The following FREM2 variants were observed in gnomAD, a reference collection of about 807,000 sequenced individuals.
FREM2 encodes FRAS1-related extracellular matrix protein 2.
Under a neutral mutation model 219.9 loss-of-function variants are expected in FREM2, and 119 were observed. That is an observed-to-expected ratio of 0.54 (90% CI 0.47 to 0.63). The LOEUF is 0.63. Among genes scored for constraint, FREM2 ranks in the 30% least tolerant of loss-of-function variants. The probability of loss-of-function intolerance (pLI) is 0.00; values close to 1 mark genes in which losing one functional copy is unlikely to be tolerated. For missense variants in FREM2, 4,030 were observed against 3,993.6 expected (o/e 1.01, Z -0.25); for synonymous variants, 1,562 against 1,522.8 (o/e 1.03, Z -0.60).
rs1869485991 is a variant in FREM2, at chr13:38,687,153, C to A, written c.-192C>A. ...TGGACGGCCTGGGAAGGCTTCGGCT[C>A]CTCGGCTGCGGCTCCAGCCCGGACG... On this transcript the variant is annotated 5_prime_UTR_variant, in exon 1 of 24. Transcript: ENST00000280481. The A allele has an allele frequency of 9.6e-6, 7 of 725,864 alleles. No individual in the cohort carries two copies. Among genetic ancestry groups the A allele is most frequent in the Admixed American group, 8.2e-5 (3 of 36,386 alleles). 45.0% of individuals were successfully genotyped at this position (725,864 alleles called of 1,614,324 possible).
intron 2 of FREM2, among the ~76,000 whole-genome samples, chr13:38,739,272 G>A (rs555184904): frequency 1.2e-4 from 19 of 152,146 alleles, no homozygotes; most frequent in Admixed American, 5.2e-4. Flanking sequence ...GAAGACAAGC[G>A]CCTGAAACTG....
At chr13:38,804,228 C>T (rs1875133172) in intron 6 of FREM2, among the ~76,000 whole-genome samples, 1 of 151,640 alleles carries the variant, frequency 6.6e-6, no homozygotes, top group Non-Finnish European at 1.5e-5. Flanking sequence ...ATGATTCTAA[C>T]AATTCGCTGA....
In FREM2 at chr13:38,692,320, C is replaced by T; in HGVS notation, c.4976C>T (p.Ala1659Val). The change falls in exon 1 of 24, where the codon GCA (alanine) becomes GTA (valine). Residue 1659 changes from alanine to valine, a missense_variant. Physicochemically the swap from Ala to Val is moderately conservative, Grantham distance 64. Around this residue, in one of 2 missense-constraint regions of FREM2, gnomAD observed 3,102 missense variants for 2,950.7 expected, o/e 1.05. Coordinates refer to ENST00000280481, the MANE Select transcript of FREM2 (RefSeq NM_207361.6). The stretch of plus-strand genomic sequence containing the variant: ...GTTGACAACAGTGTCCCCCAAATCG[C>T]AGTGAATAAGGGGGCCTCTACACTT... ...LAVDNSVPQI[A>V]VNKGASTLRT... 6.2e-7 allele frequency: 1 copy of T among 1,607,952 alleles called. No individual in the cohort carries two copies. The highest frequency in any genetic ancestry group is 8.5e-7 in the Non-Finnish European group (1 of 1,176,698).
At chr13:38,704,192 T>C (rs567537107) in intron 2 of FREM2, among the ~76,000 whole-genome samples, 1 of 152,182 alleles carries the variant, frequency 6.6e-6, no homozygotes, top group East Asian at 1.9e-4. Context: ...TAAATTTCTT[T>C]ATCGAATTAC....
chr13:38,761,232 A>G (rs1035533747), intron 2 of FREM2, among the ~76,000 whole-genome samples: 1 of 152,072 alleles, frequency 6.6e-6, no homozygotes, highest in Non-Finnish European at 1.5e-5. Context: ...AGGGGAAGTG[A>G]TAGGATGTGA....
intron 7 of FREM2, among the ~76,000 whole-genome samples, 179 bp downstream of exon 7, chr13:38,846,901 T>C (rs1566164716): frequency 1.3e-5 from 2 of 152,176 alleles, no homozygotes; most frequent in Non-Finnish European, 1.5e-5. Context: ...TTTGGGAAAG[T>C]ACATTTAAAG....
At chr13:38,772,838 G>A (rs573500933) in intron 4 of FREM2, among the ~76,000 whole-genome samples, 3 of 151,776 alleles carry the variant, frequency 2.0e-5, no homozygotes, top group Non-Finnish European at 2.9e-5. Context: ...CCTGGATTAC[G>A]GGCGGTTGCC....
chr13:38,764,985 A>G (rs1389947406), intron 3 of FREM2, among the ~76,000 whole-genome samples: 2 of 152,160 alleles, frequency 1.3e-5, no homozygotes, highest in Non-Finnish European at 2.9e-5. Context: ...ATCTCAGCTC[A>G]CTGCAAGCTC....
intron 6 of FREM2, among the ~76,000 whole-genome samples, chr13:38,834,802 T>G (rs1023563014): frequency 6.6e-6 from 1 of 152,214 alleles, no homozygotes; most frequent in African/African-American, 2.4e-5. Context: ...GGTTGTTTGT[T>G]TTTTCTTGTA....
At position 38,783,070 on chromosome 13, in the gene FREM2, A is replaced by G; in HGVS notation, c.5642A>G (p.Glu1881Gly). ...ATVEIVDPGD[E>G]PTVFIPQSKY... is the part of the protein sequence containing the mutation. Reference sequence around the variant, plus strand: ...GCTTGCAATTGTGTTTTCTCTCTAGAGCCAACTGTGTTTATTCCCCAGTCC... The same window carrying G: ...GCTTGCAATTGTGTTTTCTCTCTAGGGCCAACTGTGTTTATTCCCCAGTCC... The change falls in exon 5 of 24, where the codon GAG (glutamate) becomes GGG (glycine). Residue 1881 changes from glutamate (E) to glycine (G), a missense_variant and splice_region_variant. Glu to Gly is a moderately conservative substitution (Grantham distance 98). This residue lies in a region of FREM2 where 3,102 missense variants were observed against 2,950.7 expected (regional missense o/e 1.05). Coordinates refer to ENST00000280481, the MANE Select transcript of FREM2 (RefSeq NM_207361.6). 1.2e-6 allele frequency: 2 copies of G among 1,613,556 alleles called. No individual in the cohort carries two copies. Among genetic ancestry groups the G allele is most frequent in the Non-Finnish European group, 1.7e-6 (2 of 1,179,924 alleles).
chr13:38,701,105 GTACCCAA>G (rs1372404397), intron 2 of FREM2, among the ~76,000 whole-genome samples: 1 of 151,990 alleles, frequency 6.6e-6, no homozygotes, highest in Admixed American at 6.6e-5. Context: ...ACTAAGTCTA[GTACCCAA>G]TAGTTACTTT....
At chr13:38,759,759 C>T (rs1043392927) in intron 2 of FREM2, among the ~76,000 whole-genome samples, 1 of 152,148 alleles carries the variant, frequency 6.6e-6, no homozygotes, top group Non-Finnish European at 1.5e-5. Flanking sequence ...CAGTTTTTAA[C>T]GTTATTTAAC....
At chr13:38,826,739 A>C (rs1388843667) in intron 6 of FREM2, among the ~76,000 whole-genome samples, 1 of 152,168 alleles carries the variant, frequency 6.6e-6, no homozygotes, top group Non-Finnish European at 1.5e-5. Context: ...CTCATGTCAC[A>C]GTCTCTGTTG....
chr13:38,757,226 T>C (rs1873047688), intron 2 of FREM2, among the ~76,000 whole-genome samples: 1 of 152,210 alleles, frequency 6.6e-6, no homozygotes, highest in Non-Finnish European at 1.5e-5. Context: ...GGTATATATG[T>C]AACCATATCA....
intron 6 of FREM2, among the ~76,000 whole-genome samples, chr13:38,834,018 A>G (rs1298806833): frequency 6.6e-6 from 1 of 151,998 alleles, no homozygotes; most frequent in Non-Finnish European, 1.5e-5. Context: ...ATGGCAAATT[A>G]CCCCTTTTTT....
intron 6 of FREM2, among the ~76,000 whole-genome samples, chr13:38,826,724 T>TA (rs1876302350): frequency 6.6e-6 from 1 of 152,130 alleles, no homozygotes; most frequent in Non-Finnish European, 1.5e-5. Context: ...CCCAAATAAA[T>TA]CACCCTCATG....
chr13:38,753,552 T>TTGCTG (rs1872863431), intron 2 of FREM2, among the ~76,000 whole-genome samples: 1 of 152,262 alleles, frequency 6.6e-6, no homozygotes, highest in Non-Finnish European at 1.5e-5. Context: ...GTTTGTGTTC[T>TTGCTG]TATTTAGAAT....
At chr13:38,750,797 G>A (rs774775096) in intron 2 of FREM2, among the ~76,000 whole-genome samples, 4 of 151,932 alleles carry the variant, frequency 2.6e-5, no homozygotes, top group Admixed American at 6.6e-5. Flanking sequence ...GGGTTCAAGC[G>A]GTTCTCCTGC....
At chr13:38,823,155 A>G (rs143172521) in intron 6 of FREM2, among the ~76,000 whole-genome samples, 2 of 151,680 alleles carry the variant, frequency 1.3e-5, no homozygotes, top group Admixed American at 1.3e-4. Context: ...CCTCACCCCA[A>G]CTCCTTGATT....
Sources: gnomAD v4.1 joint callset for allele counts (sites outside exome capture counted in the v4.1 genomes callset) on GRCh38, gnomAD v4.1.1 for gene constraint, gnomAD v4.1.1 regional missense constraint, MANE v1.5 for transcripts, NCBI Gene and HGNC (gene_info 2026-07-23, HGNC 2026-07-21) for gene names.